Variants in CREB3L1 observed in about 807,000 individuals in gnomAD.
The protein encoded by CREB3L1 is cyclic AMP-responsive element-binding protein 3-like protein 1.
Under a neutral mutation model 54.5 loss-of-function variants are expected in CREB3L1, and 33 were observed. The observed-to-expected ratio is 0.61, with a 90% CI of 0.46 to 0.81. The LOEUF is 0.81. Ranked by LOEUF, CREB3L1 falls within the 30% of genes least tolerant of loss-of-function variation. The pLI is 0.00. For synonymous variants in CREB3L1, 284 were observed against 286.4 expected (o/e 0.99, Z 0.08); for missense variants, 656 against 673.3 (o/e 0.97, Z 0.29).
At chr11:46,309,854 T>G (rs1426896916) in intron 3 of CREB3L1, 135 bp from the exon 4 acceptor site, 1 of 656,122 alleles carries the variant, frequency 1.5e-6, no homozygotes, top group East Asian at 2.7e-5. Context: ...CTTGCAGCTG[T>G]GCCCAGAACT....
Position 46,312,659 on chromosome 11 carries a change from T to A in CREB3L1, c.951T>A (p.Cys317Ter). 6.2e-7 allele frequency: 1 copy of A among 1,610,040 alleles called. No homozygotes were observed. The highest frequency in any genetic ancestry group is 8.5e-7 in the Non-Finnish European group (1 of 1,178,060). Reference sequence around the variant, plus strand: ...GTAAGAAGAAGGAGTATGTGGAGTGTCTAGAAAAGAAGTAAGGGGCTTGGG... The same window carrying A: ...GTAAGAAGAAGGAGTATGTGGAGTGACTAGAAAAGAAGTAAGGGGCTTGGG... Reference protein sequence around the residue: ...SRRKKKEYVECLEKKVETFTS... With the variant: ...SRRKKKEYVE Residue 317 changes from cysteine to a stop codon, truncating the protein, a stop_gained, in exon 7 of 12, where the codon TGT (cysteine) becomes TGA (stop). Transcript: ENST00000621158. LOFTEE classifies it high-confidence loss of function.
chr11:46,308,582 C>T (rs1232960108), intron 3 of CREB3L1, among the ~76,000 whole-genome samples: 1 of 152,224 alleles, frequency 6.6e-6, no homozygotes, highest in African/African-American at 2.4e-5. Flanking sequence ...CAACTCGGTG[C>T]CTCCTTTGTG....
At chr11:46,302,117 G>A (rs1167086795) in intron 2 of CREB3L1, among the ~76,000 whole-genome samples, 1 of 150,214 alleles carries the variant, frequency 6.7e-6, no homozygotes, top group Non-Finnish European at 1.5e-5. Context: ...GCAGTGAGCT[G>A]AGATTGCGTC....
intron 10 of CREB3L1, among the ~76,000 whole-genome samples, chr11:46,318,314 C>CGGTG (rs1185768464): frequency 3.3e-5 from 5 of 152,074 alleles, no homozygotes; most frequent in African/African-American, 1.2e-4. Flanking sequence ...AGAAGGGTAG[C>CGGTG]GGTGGTGTGG....
At chr11:46,285,988 C>A (rs1954890937) in intron 1 of CREB3L1, among the ~76,000 whole-genome samples, 2 of 152,228 alleles carry the variant, frequency 1.3e-5, no homozygotes, top group South Asian at 2.1e-4. Context: ...ACCTGGAATA[C>A]CCTCACCCTT....
At chr11:46,290,440 CCA>C (rs762002326) in intron 1 of CREB3L1, among the ~76,000 whole-genome samples, 1 of 152,124 alleles carries the variant, frequency 6.6e-6, no homozygotes, top group Non-Finnish European at 1.5e-5. Flanking sequence ...GCCCAGAGCC[CCA>C]CTCACCATCC....
intron 1 of CREB3L1, among the ~76,000 whole-genome samples, chr11:46,292,589 C>T (rs139436024): frequency 1.3e-5 from 2 of 152,270 alleles, no homozygotes; most frequent in African/African-American, 4.8e-5. Context: ...AGTTCCTCAT[C>T]AATGGAGCAG....
chr11:46,291,837 T>C (rs1174688099), intron 1 of CREB3L1, among the ~76,000 whole-genome samples: 1 of 151,454 alleles, frequency 6.6e-6, no homozygotes, highest in African/African-American at 2.4e-5. Flanking sequence ...AAGAAGGGAG[T>C]AAATAAGGAG....
intron 2 of CREB3L1, among the ~76,000 whole-genome samples, chr11:46,306,181 A>G (rs1939394391): frequency 2.6e-5 from 4 of 152,178 alleles, no homozygotes; most frequent in Admixed American, 1.3e-4. Flanking sequence ...AGCTGGGATT[A>G]TAGGCGTGAG....
At chr11:46,287,374 C>T (rs1431167331) in intron 1 of CREB3L1, among the ~76,000 whole-genome samples, 1 of 152,182 alleles carries the variant, frequency 6.6e-6, no homozygotes, top group African/African-American at 2.4e-5. Flanking sequence ...ACACAGTTCA[C>T]TGCAGCCTCA....
Position 46,296,471 on chromosome 11 carries a change from AG to A in CREB3L1, c.103-3457del, listed in dbSNP as rs1044370316. On this transcript the variant is annotated intron_variant, in intron 1 of 11. Transcript: ENST00000621158. ...GGAGTTTTCTCTACTAAGAAATAGG[AG>A]GGGGGGAACGAGGGGCAGGGGACCG... Among the ~76,000 whole-genome samples, 41 of 151,070 alleles carry A rather than the reference AG, an allele frequency of 2.7e-4. 1 individual carries two copies. Among genetic ancestry groups the A allele is most frequent in the East Asian group, 1.9e-4 (1 of 5,150 alleles).
chr11:46,304,393 C>A (rs1460369674), intron 2 of CREB3L1, among the ~76,000 whole-genome samples: 4 of 152,124 alleles, frequency 2.6e-5, no homozygotes, highest in African/African-American at 2.4e-5. Flanking sequence ...AATCGGTGAA[C>A]CCGGGAGGCA....
At chr11:46,294,667 A>AG (rs144071647) in intron 1 of CREB3L1, among the ~76,000 whole-genome samples, 30,778 of 151,834 alleles carry the variant, frequency 0.2, 3,230 homozygotes, top group African/African-American at 0.26. Flanking sequence ...GCTTAAGGAC[A>AG]GGGGGGTCTG....
intron 10 of CREB3L1, among the ~76,000 whole-genome samples, chr11:46,318,444 A>T (rs6485676): frequency 6.6e-6 from 1 of 152,064 alleles, no homozygotes; most frequent in Non-Finnish European, 1.5e-5. Flanking sequence ...CATGTGTCTT[A>T]AGCTTTCATT....
intron 9 of CREB3L1, 47 bp from the exon 10 acceptor site, chr11:46,317,314 G>A: frequency 6.2e-7 from 1 of 1,609,968 alleles, no homozygotes; most frequent in African/African-American, 1.3e-5. Context: ...TCAGGGCCGT[G>A]GCCCCTCCTT....
In CREB3L1 at chr11:46,308,059, G is replaced by A. The variant is rs1023956468; in HGVS notation, c.516+59G>A. 129 of 1,400,286 alleles carry A rather than the reference G, an allele frequency of 9.2e-5. 1 individual carries two copies. The African/African-American group carries it at 1.5e-3, about 17-fold the overall frequency. 86.7% of individuals were successfully genotyped at this position (1,400,286 alleles called of 1,614,324 possible). ...AGGGAGGAGGGCTGGTGGGTCTGTG[G>A]GAAGAGGTGCCCAAAGCCCTGTGCC... On this transcript the variant is annotated intron_variant, in intron 3 of 11. Coordinates refer to ENST00000621158, the MANE Select transcript of CREB3L1 (RefSeq NM_052854.4).
chr11:46,310,274 T>TGTTG (rs914665476), intron 4 of CREB3L1, among the ~76,000 whole-genome samples: 1 of 151,776 alleles, frequency 6.6e-6, no homozygotes, highest in Non-Finnish European at 1.5e-5. Context: ...TTTGTTTGTT[T>TGTTG]GTTTGTTTTT....
rs987908347 is a variant in CREB3L1, at chr11:46,278,026, C to A, written c.-86C>A. On this transcript the variant is annotated 5_prime_UTR_variant, in exon 1 of 12. Transcript: ENST00000621158. The surrounding 1 kb of genome is among the most constrained non-coding windows in gnomAD (Gnocchi z 4.2). ...GACCTGCCCCCCGCCCGTTTGCCAG[C>A]GCTCAGGCAGGAGCTCTGGACTGGG... 2 of 646,038 alleles carry A rather than the reference C, an allele frequency of 3.1e-6. No individual in the cohort carries two copies. Among genetic ancestry groups the A allele is most frequent in the Non-Finnish European group, 4.7e-6 (2 of 427,548 alleles). The allele number at this position is 646,038 out of a possible 1,614,324, so 40.0% of individuals were successfully genotyped here.
At chr11:46,320,614 T>G in intron 11 of CREB3L1, 86 bp downstream of exon 11, 1 of 1,548,120 alleles carries the variant, frequency 6.5e-7, no homozygotes, top group South Asian at 1.2e-5. Context: ...GGCCACACCC[T>G]CCCAAGGCCC....
Sources: allele counts gnomAD v4.1 joint callset (sites outside exome capture counted in the v4.1 genomes callset), GRCh38; gene constraint gnomAD v4.1.1; non-coding constraint Gnocchi (gnomAD v3.1); transcripts MANE v1.5; gene names NCBI Gene and HGNC (gene_info 2026-07-23, HGNC 2026-07-21).